The following FBXO34 variants were observed in gnomAD, a reference collection of about 807,000 sequenced individuals.
The protein encoded by FBXO34 is F-box only protein 34.
A neutral mutation model predicts 24.5 loss-of-function variants in FBXO34; 12 were observed. The observed-to-expected ratio is 0.49, with a 90% CI of 0.31 to 0.79. The LOEUF is 0.79. Among genes scored for constraint, FBXO34 ranks in the 30% least tolerant of loss-of-function variants. The pLI, the probability that FBXO34 is intolerant of heterozygous loss-of-function variation, is 0.04. For synonymous variants in FBXO34, 320 were observed against 311.9 expected (o/e 1.03, Z -0.27); for missense variants, 823 against 857.7 (o/e 0.96, Z 0.51).
intron 1 of FBXO34, among the ~76,000 whole-genome samples, chr14:55,305,774 A>G (rs1229309170): frequency 1.3e-5 from 2 of 152,228 alleles, no homozygotes; most frequent in African/African-American, 2.4e-5. Context: ...TTAGCTCAAT[A>G]GCAGGATTTT....
the FBXO34 span, chr14:55,411,958 G>C: frequency 9.0e-6 from 7 of 777,082 alleles, no homozygotes; most frequent in Non-Finnish European, 1.4e-5. Context: ...GCGTGTTCCT[G>C]TCCCGGGCAC....
rs773734106 is a variant in FBXO34 at position 55,351,563 on chromosome 14, G to A, written c.1173G>A (p.Pro391=). The part of the protein sequence containing the change: ...SFHIDSAELE[P]GSQTAVKNSN... ...ACATAGACAGTGCAGAGTTAGAGCC[G>A]GGTTCGCAAACTGCCGTGAAAAACA... The change falls in exon 2 of 2, where the codon CCG becomes CCA. Residue 391 remains proline (P), a synonymous_variant. Coordinates refer to ENST00000313833, the MANE Select transcript of FBXO34 (RefSeq NM_017943.4). 50 of 1,613,996 alleles carry A rather than the reference G, an allele frequency of 3.1e-5. No homozygotes were observed. Among genetic ancestry groups the A allele is most frequent in the African/African-American group, 5.3e-5 (4 of 74,878 alleles).
chr14:55,371,556 C>T (rs892779726), downstream of FBXO34, among the ~76,000 whole-genome samples: 2 of 152,162 alleles, frequency 1.3e-5, no homozygotes, highest in Non-Finnish European at 1.5e-5. Context: ...CCTGTAATCC[C>T]AGCACTTTGG....
the FBXO34 span, among the ~76,000 whole-genome samples, chr14:55,439,617 C>CCCCCCCCGCCCCG: frequency 1.4e-5 from 1 of 72,628 alleles, no homozygotes; most frequent in Non-Finnish European, 3.0e-5. Flanking sequence ...AAAGCAAACC[C>CCCCCCCCGCCCCG]CCCCCCGTCT....
downstream of FBXO34, among the ~76,000 whole-genome samples, chr14:55,365,906 TG>T (rs1279807213): frequency 6.6e-6 from 1 of 152,134 alleles, no homozygotes; most frequent in African/African-American, 2.4e-5. Flanking sequence ...TAATCTAATC[TG>T]AAGGGTACCG....
chr14:55,334,184 G>A lies in FBXO34; in HGVS notation c.-10-16197G>A, dbSNP rs144080021. Among the ~76,000 whole-genome samples the A allele has an allele frequency of 5.0e-4, 76 of 152,162 alleles. 1 individual carries two copies. In the East Asian group the frequency reaches 0.01, roughly 21 times the overall value. On this transcript the variant is annotated intron_variant, in intron 1 of 1. Transcript: ENST00000313833. ...CCTCTTTTTCTCCACCTTTTCCACC[G>A]CTCATCTCAGAGAAAGCAGGGCGCT...
intron 1 of FBXO34, among the ~76,000 whole-genome samples, chr14:55,346,499 G>A (rs1023805402): frequency 5.3e-5 from 8 of 152,208 alleles, no homozygotes; most frequent in East Asian, 3.8e-4. Context: ...ATCCAGGTGA[G>A]TATGTCTACC....
chr14:55,392,971 G>A, the FBXO34 span, among the ~76,000 whole-genome samples: 1 of 152,168 alleles, frequency 6.6e-6, no homozygotes, highest in African/African-American at 2.4e-5. Flanking sequence ...TGAAGTCTTA[G>A]ATAGAAAAAC....
intron 1 of FBXO34, among the ~76,000 whole-genome samples, chr14:55,284,274 A>T (rs1227076912): frequency 2.0e-5 from 3 of 152,102 alleles, no homozygotes; most frequent in Non-Finnish European, 4.4e-5. Flanking sequence ...AGCACTTTGG[A>T]AGGCTGATGC....
intron 1 of FBXO34, among the ~76,000 whole-genome samples, chr14:55,348,823 A>G (rs926551486): frequency 1.3e-5 from 2 of 152,160 alleles, no homozygotes; most frequent in East Asian, 1.9e-4. Flanking sequence ...CTTGTTCCAG[A>G]CGATCACTTT....
the FBXO34 span, among the ~76,000 whole-genome samples, chr14:55,404,141 G>T: frequency 6.6e-6 from 1 of 152,004 alleles, no homozygotes; most frequent in Non-Finnish European, 1.5e-5. Flanking sequence ...TCCCAAACAG[G>T]GTCTGATTAT....
At chr14:55,430,644 ACCT>A in the FBXO34 span, among the ~76,000 whole-genome samples, 1 of 151,698 alleles carries the variant, frequency 6.6e-6, no homozygotes, top group Non-Finnish European at 1.5e-5. Context: ...GACCCTCCCA[ACCT>A]CAGCCTCCCC....
chr14:55,289,280 T>A (rs776073719), intron 1 of FBXO34, among the ~76,000 whole-genome samples: 1 of 152,154 alleles, frequency 6.6e-6, no homozygotes, highest in East Asian at 1.9e-4. Flanking sequence ...AAATCTAATA[T>A]AAACCTTCAA....
At chr14:55,372,308 C>T (rs1392116294), downstream of FBXO34, among the ~76,000 whole-genome samples, 1 of 152,064 alleles carries the variant, frequency 6.6e-6, no homozygotes, top group African/African-American at 2.4e-5. Flanking sequence ...CATCTGCCTC[C>T]TCTTGCTGGA....
chr14:55,392,665 A>G, the FBXO34 span, among the ~76,000 whole-genome samples: 3 of 151,946 alleles, frequency 2.0e-5, no homozygotes, highest in Non-Finnish European at 4.4e-5. Context: ...AAAAAAAAAA[A>G]AAGAAGGATC....
At chr14:55,319,902 GACCTTGTGATCT>G (rs1316360886) in intron 1 of FBXO34, among the ~76,000 whole-genome samples, 1 of 152,056 alleles carries the variant, frequency 6.6e-6, no homozygotes, top group Non-Finnish European at 1.5e-5. Flanking sequence ...GTCTTGATCT[GACCTTGTGATCT>G]ACCCACCTCA....
chr14:55,430,189 T>C, the FBXO34 span, among the ~76,000 whole-genome samples: 1 of 152,040 alleles, frequency 6.6e-6, no homozygotes, highest in African/African-American at 2.4e-5. Flanking sequence ...GTGAATCAGG[T>C]GAATTCCACC....
At chr14:55,388,676 A>G in the FBXO34 span, among the ~76,000 whole-genome samples, 2 of 152,360 alleles carry the variant, frequency 1.3e-5, no homozygotes, top group Non-Finnish European at 2.9e-5. Flanking sequence ...TCATGACTAC[A>G]TGTCATAATT....
At chr14:55,283,702 G>A (rs910396468) in intron 1 of FBXO34, among the ~76,000 whole-genome samples, 1 of 151,858 alleles carries the variant, frequency 6.6e-6, no homozygotes, top group Non-Finnish European at 1.5e-5. Flanking sequence ...CTCATGATCC[G>A]CCTGCTTTGG....
Sources: allele counts gnomAD v4.1 joint callset (sites outside exome capture counted in the v4.1 genomes callset), GRCh38; gene constraint gnomAD v4.1.1; transcripts MANE v1.5; gene names NCBI Gene and HGNC (gene_info 2026-07-23, HGNC 2026-07-21).